TEKT5: variants seen among roughly 807,000 people sequenced by gnomAD.
TEKT5 encodes tektin 5.
In TEKT5, 52 loss-of-function variants were observed where a neutral mutation model predicts 48.7. The observed-to-expected ratio is 1.07, with a 90% confidence interval of 0.86 to 1.35. The LOEUF is 1.35. TEKT5 is among the 40% of genes most tolerant of loss of function. The probability of loss-of-function intolerance (pLI) is 0.00; values close to 1 mark genes in which losing one functional copy is unlikely to be tolerated. For synonymous variants in TEKT5, 318 were observed against 267.6 expected, an observed-to-expected ratio of 1.19 and a Z score of -1.84; for missense variants, 831 against 641.6, an observed-to-expected ratio of 1.30 and a Z score of -3.19.
chr16:10,683,739 C>T (rs974363478), intron 3 of TEKT5, among the ~76,000 whole-genome samples: 2 of 152,052 alleles, frequency 1.3e-5, no homozygotes, highest in African/African-American at 2.4e-5. Flanking sequence ...TACAGGCACC[C>T]GCCACCACTC....
Position 10,667,607 on chromosome 16 carries a change from T to C in TEKT5, c.1086+8352A>G, listed in dbSNP as rs550039225. Among the ~76,000 whole-genome samples the C allele has an allele frequency of 5.3e-5, 8 of 152,344 alleles. No individual in the cohort carries two copies. In the East Asian group the frequency reaches 1.5e-3, roughly 29 times the overall value. Reference sequence around the variant, plus strand: ...GCCCAATTCACGAATCATTCTTTGCTCAATTAAATTCTGTTAAATTTAATC... The same window carrying C: ...GCCCAATTCACGAATCATTCTTTGCCCAATTAAATTCTGTTAAATTTAATC... On this transcript the variant is annotated intron_variant, in intron 5 of 6. Transcript: ENST00000283025.
intron 5 of TEKT5, among the ~76,000 whole-genome samples, chr16:10,640,420 C>T (rs952089586): frequency 8.5e-5 from 13 of 152,242 alleles, no homozygotes; most frequent in Non-Finnish European, 1.3e-4. Flanking sequence ...CTGGTCTGTA[C>T]GTGACTTTTT....
intron 5 of TEKT5, among the ~76,000 whole-genome samples, chr16:10,674,749 A>G (rs982035926): frequency 6.6e-6 from 1 of 151,856 alleles, no homozygotes; most frequent in South Asian, 2.1e-4. Context: ...CTACCACTGT[A>G]ATTTCCATCA....
At chr16:10,628,549 T>G (rs915286243) in intron 6 of TEKT5, among the ~76,000 whole-genome samples, 27 of 152,154 alleles carry the variant, frequency 1.8e-4, no homozygotes, top group Non-Finnish European at 3.7e-4. Flanking sequence ...GATGGATGGA[T>G]GAGTGGATAA....
At chr16:10,634,531 T>C (rs1055730061) in intron 6 of TEKT5, among the ~76,000 whole-genome samples, 1 of 152,140 alleles carries the variant, frequency 6.6e-6, no homozygotes, top group Non-Finnish European at 1.5e-5. Context: ...TTAGTGCCCA[T>C]AGGAGGATGC....
chr16:10,678,107 A>G (rs1898680848), intron 4 of TEKT5, among the ~76,000 whole-genome samples: 2 of 152,100 alleles, frequency 1.3e-5, no homozygotes, highest in African/African-American at 2.4e-5. Context: ...AAGGGCATGC[A>G]TTTCTTTGAC....
At chr16:10,669,881 T>C (rs773593563) in intron 5 of TEKT5, among the ~76,000 whole-genome samples, 5 of 152,190 alleles carry the variant, frequency 3.3e-5, no homozygotes, top group Non-Finnish European at 5.9e-5. Flanking sequence ...CCAACTTCTT[T>C]AGTCCAGAGA....
chr16:10,637,056 A>G (rs1331482316), intron 5 of TEKT5, among the ~76,000 whole-genome samples: 1 of 147,664 alleles, frequency 6.8e-6, no homozygotes, highest in Admixed American at 6.9e-5. Context: ...ATTTCGGCTC[A>G]CTGCAAACTC....
At chr16:10,659,696 C>T (rs62025796) in intron 5 of TEKT5, among the ~76,000 whole-genome samples, 32,511 of 152,088 alleles carry the variant, frequency 0.21, 3,682 homozygotes, top group Middle Eastern at 0.31. Flanking sequence ...ATAAGGCAAC[C>T]GCAGAGAAAA....
chr16:10,690,011 A>G lies in TEKT5; in HGVS notation c.579T>C (p.Cys193=), dbSNP rs1898940053. The change falls in exon 2 of 7, where the codon TGT becomes TGC. Residue 193 remains cysteine (C), a synonymous_variant. Transcript: ENST00000283025. ...VNCPLQVALE[C]LYHREKRIGI... ...CAATCCTCTTCTCTCGATGGTACAG[A>G]CACTCCAAGGCCACCTGTGGGAAGC... is the stretch of plus-strand genomic sequence containing the variant. 1 of 1,613,936 alleles carries G rather than the reference A, an allele frequency of 6.2e-7. No homozygotes were observed. Among genetic ancestry groups the G allele is most frequent in the African/African-American group, 1.3e-5 (1 of 74,898 alleles).
intron 5 of TEKT5, among the ~76,000 whole-genome samples, chr16:10,642,309 C>T (rs1259415184): frequency 1.3e-5 from 2 of 152,178 alleles, no homozygotes; most frequent in African/African-American, 4.8e-5. Flanking sequence ...ACCTCCTTTA[C>T]TGGGCATTCA....
chr16:10,654,545 G>A (rs1418252223), intron 5 of TEKT5, among the ~76,000 whole-genome samples: 2 of 152,214 alleles, frequency 1.3e-5, no homozygotes, highest in African/African-American at 2.4e-5. Context: ...CCAACCCACT[G>A]AGGGTCCGAA....
In TEKT5 at chr16:10,670,466, C is replaced by A. The variant is rs1898531009; in HGVS notation, c.1086+5493G>T. The stretch of plus-strand genomic sequence containing the variant: ...CCTGGAAGGCAGAGGTTGCAGTAAG[C>A]CAAGATCTCGTCACTGCACTCCAGC... On this transcript the variant is annotated intron_variant, in intron 5 of 6. Coordinates refer to ENST00000283025, the MANE Select transcript of TEKT5 (RefSeq NM_144674.2). Among the ~76,000 whole-genome samples, 4 of 152,098 alleles carry A rather than the reference C, an allele frequency of 2.6e-5. No individual in the cohort carries two copies. In the South Asian group the frequency reaches 8.3e-4, roughly 32 times the overall value.
intron 5 of TEKT5, among the ~76,000 whole-genome samples, chr16:10,665,616 A>T (rs1452729004): frequency 1.3e-5 from 2 of 152,012 alleles, no homozygotes; most frequent in Non-Finnish European, 2.9e-5. Flanking sequence ...GTTCCCATGA[A>T]CTGATAAGCT....
chr16:10,682,704 G>A (rs547489338), intron 3 of TEKT5, among the ~76,000 whole-genome samples: 45 of 152,222 alleles, frequency 3.0e-4, no homozygotes, highest in Non-Finnish European at 5.0e-4. Flanking sequence ...GGCTTTGTGG[G>A]TCATATGGTC....
At position 10,658,685 on chromosome 16, in the gene TEKT5, T is replaced by C. The variant is rs184164342; in HGVS notation, c.1086+17274A>G. On this transcript the variant is annotated intron_variant, in intron 5 of 6. Transcript: ENST00000283025. ...CAGGGTTTCCCAACCTCATCACCTA[T>C]TGACATTCAGTGACATTTAGGACTA... Among the ~76,000 whole-genome samples, 43 of 152,026 alleles carry C rather than the reference T, an allele frequency of 2.8e-4. 1 individual carries two copies. The East Asian group carries it at 5.0e-3, about 18-fold the overall frequency.
intron 6 of TEKT5, among the ~76,000 whole-genome samples, chr16:10,633,620 G>A (rs978564128): frequency 1.3e-5 from 2 of 152,070 alleles, no homozygotes; most frequent in African/African-American, 4.8e-5. Context: ...ATAGCTCACT[G>A]CAGCCTCCAA....
intron 5 of TEKT5, among the ~76,000 whole-genome samples, chr16:10,666,390 T>A (rs1036771399): frequency 1.3e-5 from 2 of 152,198 alleles, no homozygotes; most frequent in African/African-American, 2.4e-5. Flanking sequence ...TCAGCACTAC[T>A]GACATTCAGG....
intron 3 of TEKT5, among the ~76,000 whole-genome samples, chr16:10,688,236 C>G (rs1898897874): frequency 2.6e-5 from 4 of 152,216 alleles, no homozygotes. Flanking sequence ...CACCTCCACC[C>G]CGATGTCTTT....
Sources: allele counts gnomAD v4.1 joint callset (sites outside exome capture counted in the v4.1 genomes callset), GRCh38; gene constraint gnomAD v4.1.1; transcripts MANE v1.5; gene names NCBI Gene and HGNC (gene_info 2026-07-23, HGNC 2026-07-21).